The following PTCH1 variants were observed in gnomAD, a reference collection of about 807,000 sequenced individuals.
PTCH1 encodes the protein protein patched homolog 1.
Under a neutral mutation model 144.6 loss-of-function variants are expected in PTCH1, and 14 were observed. That is an observed-to-expected ratio of 0.10 (90% CI 0.06 to 0.15). The LOEUF (loss-of-function observed/expected upper bound fraction) is 0.15. Among genes scored for constraint, PTCH1 ranks in the 10% least tolerant of loss-of-function variants. The probability of loss-of-function intolerance (pLI) is 1.00; values close to 1 mark genes in which losing one functional copy is unlikely to be tolerated. For synonymous variants in PTCH1, 833 were observed against 793.6 expected (o/e 1.05, Z -0.83); for missense variants, 1,623 against 1,948.3 (o/e 0.83, Z 3.14).
chr9:95,450,191 T>TA (rs1838344369), intron 20 of PTCH1: 1 of 524,716 alleles, frequency 1.9e-6, no homozygotes, highest in Non-Finnish European at 3.5e-6. Flanking sequence ...AAAAAAAAAT[T>TA]AGTTTGTTAA....
upstream of PTCH1, among the ~76,000 whole-genome samples, chr9:95,513,338 C>T (rs926108077): frequency 6.6e-6 from 1 of 152,132 alleles, no homozygotes; most frequent in Non-Finnish European, 1.5e-5. Flanking sequence ...AGTAATTTGA[C>T]CCTGGGGCCA....
intron 15 of PTCH1, 56 bp from the exon 16 acceptor site, chr9:95,462,054 T>G (rs1839526603): frequency 6.2e-7 from 1 of 1,610,474 alleles, no homozygotes; most frequent in Admixed American, 1.7e-5. Context: ...AGGACCCTGG[T>G]CCTAGCGGGG....
chr9:95,513,787 C>T (rs927251865), upstream of PTCH1, among the ~76,000 whole-genome samples: 3 of 152,184 alleles, frequency 2.0e-5, no homozygotes, highest in South Asian at 2.1e-4. Flanking sequence ...CCCTCCCCTA[C>T]TCCCTTCCAC....
At chr9:95,488,029 T>C (rs1356445900) in intron 2 of PTCH1, among the ~76,000 whole-genome samples, 1 of 152,174 alleles carries the variant, frequency 6.6e-6, no homozygotes, top group Non-Finnish European at 1.5e-5. Context: ...GAGTGCAGTG[T>C]GCACAAAAAT....
intron 3 of PTCH1, chr9:95,483,019 T>C (rs1186551410): frequency 6.6e-6 from 1 of 152,094 alleles, no homozygotes; most frequent in East Asian, 1.9e-4. Flanking sequence ...GAAAATTACT[T>C]GATCCTGGAA....
chr9:95,508,281 C>G lies in PTCH1; in HGVS notation c.81G>C (p.Pro27=), dbSNP rs773299399. The G allele has an allele frequency of 6.4e-7, 1 of 1,551,336 alleles. No individual in the cohort carries two copies. Among genetic ancestry groups the G allele is most frequent in the Non-Finnish European group, 8.7e-7 (1 of 1,151,874 alleles). Residue 27 remains proline (P), a synonymous_variant, in exon 1 of 24, where the codon CCG becomes CCC. Transcript: ENST00000331920. ...GSGCIGAPGR[P]AGGGRRRRTG... is the part of the protein sequence containing the mutation. ...TCCGTCTGCGCCTCCCGCCTCCAGC[C>G]GGCCGTCCCGGGGCACCGATACAGC...
At chr9:95,446,861 C>T (rs374921697) in intron 23 of PTCH1, 50 bp downstream of exon 23, 37 of 1,611,224 alleles carry the variant, frequency 2.3e-5, no homozygotes, top group Non-Finnish European at 2.9e-5. Context: ...CCTTGTCCTC[C>T]TCTTTGCCTG....
chr9:95,448,284 T>C (rs1838139753), intron 22 of PTCH1, among the ~76,000 whole-genome samples: 1 of 152,190 alleles, frequency 6.6e-6, no homozygotes, highest in East Asian at 1.9e-4. Context: ...CCTTTCTCTC[T>C]TTCACGGAAG....
At chr9:95,471,644 G>A (rs1321946980) in intron 12 of PTCH1, among the ~76,000 whole-genome samples, 3 of 152,222 alleles carry the variant, frequency 2.0e-5, no homozygotes, top group Non-Finnish European at 4.4e-5. Flanking sequence ...AATGATGGAT[G>A]GCGTCATGAA....
In PTCH1 at chr9:95,501,255, AGGGTGCTACTGG is replaced by A. The variant is rs575745063; in HGVS notation, c.394+5140_394+5151del. On this transcript the variant is annotated intron_variant, in intron 2 of 23. Transcript: ENST00000331920. ...AAACATTCTGGTTGTCACAACTGGG[AGGGTGCTACTGG>A]CATCTAGTAGGTAGAAACCAGGATG... Among the ~76,000 whole-genome samples, 527 of 152,232 alleles carry A rather than the reference AGGGTGCTACTGG, an allele frequency of 3.5e-3. 8 individuals are homozygous for A. The highest frequency in any genetic ancestry group is 1.4e-3 in the East Asian group (7 of 5,182).
chr9:95,476,121 G>A lies in PTCH1; in HGVS notation c.1641C>T (p.Ser547=), dbSNP rs2066830. ...CATTGCTGATGGACGTGAGGGCCACGCTGGCTCCTGTGCGCTTCAGGCACT... is the reference window on the plus strand; with the variant it reads ...CATTGCTGATGGACGTGAGGGCCACACTGGCTCCTGTGCGCTTCAGGCACT... ...TGECLKRTGA[S]VALTSISNVT... The change falls in exon 12 of 24, where the codon AGC becomes AGT. Residue 547 remains serine, a synonymous_variant. Coordinates refer to ENST00000331920, the MANE Select transcript of PTCH1 (RefSeq NM_000264.5). The surrounding 1 kb of genome is among the most constrained non-coding windows in gnomAD (Gnocchi z 4.6). 18,153 of 1,613,520 alleles carry A rather than the reference G, an allele frequency of 0.011. 125 individuals are homozygous for A. Among genetic ancestry groups the A allele is most frequent in the Non-Finnish European group, 0.014 (16,532 of 1,179,780 alleles).
At chr9:95,507,262 T>A (rs1327040454) in intron 1 of PTCH1, 1 of 985,340 alleles carries the variant, frequency 1.0e-6, no homozygotes, top group Non-Finnish European at 1.2e-6. Flanking sequence ...GGCAGCCACA[T>A]GGATCTTTCC....
chr9:95,452,202 G>A (rs146428249), intron 20 of PTCH1: 1 of 152,274 alleles, frequency 6.6e-6, no homozygotes, highest in East Asian at 1.9e-4. Context: ...ATGCCAAATT[G>A]CCCAGTGGGC....
chr9:95,469,152 G>A lies in PTCH1; in HGVS notation c.1849C>T (p.Pro617Ser), dbSNP rs2118062379. ...ACCTGAATCACTCTGCTGACGCAGG[G>A]GCTGAAAGGAGGGGAAACATGTTGC... ...RLDIFCCFTS[P>S]CVSRVIQVEP... is the part of the protein sequence containing the mutation. The change falls in exon 14 of 24, where the codon CCC becomes TCC. Residue 617 changes from proline (P) to serine (S), a missense_variant and splice_region_variant. By Grantham distance (74) the Pro-to-Ser change is moderately conservative. Transcript: ENST00000331920. 6.2e-7 allele frequency: 1 copy of A among 1,614,122 alleles called. No homozygotes were observed. Among genetic ancestry groups the A allele is most frequent in the Non-Finnish European group, 8.5e-7 (1 of 1,180,030 alleles).
intron 2 of PTCH1, among the ~76,000 whole-genome samples, chr9:95,488,883 A>C (rs1159168107): frequency 6.6e-6 from 1 of 152,228 alleles, no homozygotes; most frequent in Non-Finnish European, 1.5e-5. Context: ...AGAGCTGGAG[A>C]AACAGCGTTC....
chr9:95,515,657 T>G (rs993097884), intron 1 of PTCH1, among the ~76,000 whole-genome samples: 1 of 152,154 alleles, frequency 6.6e-6, no homozygotes, highest in African/African-American at 2.4e-5. Flanking sequence ...CGGGCTCCCC[T>G]GAGGCCGCAC....
In PTCH1 at chr9:95,456,337, G is replaced by T. The variant is rs2136648648; in HGVS notation, c.3245C>A (p.Pro1082His). ...GLIGIKLSAV[P>H]VVILIASVGI... is the part of the protein sequence containing the mutation. The stretch of plus-strand genomic sequence containing the variant: ...AACAGAAGCGATCAGGATGACCACG[G>T]GCACGGCACTGAGCTTGATTCCGAT... The change falls in exon 19 of 24, where the codon CCC (proline) becomes CAC (histidine). Residue 1082 changes from proline to histidine, a missense_variant. By Grantham distance (77) the Pro-to-His change is moderately conservative. This residue lies in a region of PTCH1 where 504 missense variants were observed against 679.3 expected (regional missense o/e 0.74). Transcript: ENST00000331920. The T allele has an allele frequency of 2.5e-6, 4 of 1,614,074 alleles. No individual in the cohort carries two copies. Among genetic ancestry groups the T allele is most frequent in the Non-Finnish European group, 3.4e-6 (4 of 1,180,034 alleles).
intron 13 of PTCH1, among the ~76,000 whole-genome samples, chr9:95,469,558 C>T (rs1564035131): frequency 6.6e-6 from 1 of 152,128 alleles, no homozygotes; most frequent in Non-Finnish European, 1.5e-5. Flanking sequence ...AACATCAGTT[C>T]ATGATGGAAA....
intron 2 of PTCH1, among the ~76,000 whole-genome samples, chr9:95,499,830 G>A (rs62558343): frequency 2.6e-5 from 4 of 151,998 alleles, no homozygotes; most frequent in Non-Finnish European, 5.9e-5. Flanking sequence ...ACTCATCAGG[G>A]GCTAAATCTG....
Sources: gnomAD v4.1 joint callset for allele counts (sites outside exome capture counted in the v4.1 genomes callset) on GRCh38, gnomAD v4.1.1 for gene constraint, gnomAD v4.1.1 regional missense constraint, Gnocchi (gnomAD v3.1) non-coding constraint, MANE v1.5 for transcripts, NCBI Gene and HGNC (gene_info 2026-07-23, HGNC 2026-07-21) for gene names.